LRP6: variants seen among roughly 807,000 people sequenced by gnomAD.
The protein encoded by LRP6 is LDL receptor related protein 6.
A neutral mutation model predicts 184.1 loss-of-function variants in LRP6; 43 were observed. The ratio of observed to expected loss-of-function variants is 0.23; its 90% CI spans 0.18 to 0.30. The LOEUF (loss-of-function observed/expected upper bound fraction) is 0.30. Ranked by LOEUF, LRP6 falls within the 10% of genes least tolerant of loss-of-function variation. The pLI is 1.00. For synonymous variants in LRP6, 719 were observed against 684.9 expected (o/e 1.05, Z -0.78); for missense variants, 1,571 against 2,005.3 (o/e 0.78, Z 4.14).
chr12:12,223,124 G>T (rs1484667962), intron 2 of LRP6, among the ~76,000 whole-genome samples: 1 of 138,682 alleles, frequency 7.2e-6, no homozygotes, highest in Non-Finnish European at 1.5e-5. Flanking sequence ...ATGTTCCAAG[G>T]ATTTTAAGAA....
intron 16 of LRP6, 22 bp downstream of exon 16, chr12:12,138,303 G>C (rs1305001141): frequency 6.4e-7 from 1 of 1,568,288 alleles, no homozygotes; most frequent in Admixed American, 1.7e-5. Flanking sequence ...CCTCCAATTA[G>C]CTTTATCCCA....
chr12:12,137,302 C>T (rs147988970), intron 16 of LRP6, among the ~76,000 whole-genome samples: 3 of 152,242 alleles, frequency 2.0e-5, no homozygotes, highest in African/African-American at 7.2e-5. Flanking sequence ...TTTTAAAAAA[C>T]GTTTTGCATA....
rs777232775 is a variant in LRP6 at position 12,130,900 on chromosome 12, A to G, written c.3971-7T>C. 4.8e-6 allele frequency: 7 copies of G among 1,462,344 alleles called. No homozygotes were observed. 90.6% of individuals were successfully genotyped at this position (1,462,344 alleles called of 1,614,324 possible). A position where few individuals can be genotyped will look rare whatever the true frequency, so the allele number is the denominator to read the frequency against. ...TGATCAATTAAACAAAGCACTGGAAAAAAAACATAAATAGTTTCCTTATTT... is the reference window on the plus strand; with the variant it reads ...TGATCAATTAAACAAAGCACTGGAAGAAAAACATAAATAGTTTCCTTATTT... On this transcript the variant is annotated splice_polypyrimidine_tract_variant and splice_region_variant and intron_variant, in intron 18 of 22. Coordinates refer to ENST00000261349, the MANE Select transcript of LRP6 (RefSeq NM_002336.3).
At chr12:12,149,275 G>C in intron 13 of LRP6, 122 bp from the exon 14 acceptor site, 1 of 796,934 alleles carries the variant, frequency 1.3e-6, no homozygotes, top group African/African-American at 1.7e-5. Context: ...AAGTCTTAAG[G>C]AGTATTTCTT....
chr12:12,164,189 G>T, intron 9 of LRP6, 84 bp downstream of exon 9: 1 of 1,239,744 alleles, frequency 8.1e-7, no homozygotes, highest in Non-Finnish European at 1.2e-6. Flanking sequence ...CAATGAGGGA[G>T]GTGGGTCACA....
intron 15 of LRP6, among the ~76,000 whole-genome samples, chr12:12,142,656 C>G (rs146242122): frequency 6.6e-6 from 1 of 151,746 alleles, no homozygotes; most frequent in South Asian, 2.1e-4. Context: ...CCAACAAATA[C>G]CTGACAAGAA....
chr12:12,144,677 G>T (rs1949977935), intron 15 of LRP6, among the ~76,000 whole-genome samples: 1 of 151,992 alleles, frequency 6.6e-6, no homozygotes, highest in African/African-American at 2.4e-5. Flanking sequence ...TTAAAATATT[G>T]ACATAAGTAA....
chr12:12,197,987 G>A (rs1863809844), intron 3 of LRP6, among the ~76,000 whole-genome samples: 1 of 152,230 alleles, frequency 6.6e-6, no homozygotes, highest in Admixed American at 6.5e-5. Context: ...AGAGGTTGCA[G>A]TGAACAGATT....
chr12:12,213,010 A>C (rs1864250369), intron 2 of LRP6, among the ~76,000 whole-genome samples: 1 of 152,204 alleles, frequency 6.6e-6, no homozygotes, highest in Non-Finnish European at 1.5e-5. Context: ...TATATTTTTC[A>C]TTATATCATA....
chr12:12,155,307 T>A (rs1310123129), intron 12 of LRP6: 2 of 756,370 alleles, frequency 2.6e-6, no homozygotes, highest in Non-Finnish European at 4.8e-6. Flanking sequence ...ATACGTGTTC[T>A]CTAGGCCTTT....
At chr12:12,254,170 G>GA (rs1237180406) in intron 1 of LRP6, among the ~76,000 whole-genome samples, 2 of 129,736 alleles carry the variant, frequency 1.5e-5, no homozygotes, top group Non-Finnish European at 3.3e-5. Flanking sequence ...AAAAAAGAAA[G>GA]AAAGAAAAAG....
chr12:12,161,265 T>A (rs1862734444), intron 10 of LRP6, among the ~76,000 whole-genome samples: 2 of 152,142 alleles, frequency 1.3e-5, no homozygotes, highest in Admixed American at 1.3e-4. Flanking sequence ...GTTCACACTG[T>A]TTACTTCTTT....
At chr12:12,205,329 CAAAAA>C (rs56169717) in intron 2 of LRP6, among the ~76,000 whole-genome samples, 439 of 39,120 alleles carry the variant, frequency 0.011, no homozygotes, top group Middle Eastern at 0.075. Context: ...CTCAAACAAA[CAAAAA>C]AAAAAAAAAA....
intron 7 of LRP6, 94 bp from the exon 8 acceptor site, chr12:12,165,389 A>G (rs992725432): frequency 1.1e-6 from 1 of 869,592 alleles, no homozygotes; most frequent in Non-Finnish European, 1.9e-6. Flanking sequence ...ATAAAAATCC[A>G]AGAGTCATCT....
At chr12:12,184,389 A>AAAC (rs1863417549) in intron 4 of LRP6, among the ~76,000 whole-genome samples, 3 of 106,202 alleles carry the variant, frequency 2.8e-5, no homozygotes, top group African/African-American at 8.7e-5. Flanking sequence ...AGCAAAACTA[A>AAAC]AAACAAACAA....
At chr12:12,229,713 T>C (rs371272237) in intron 2 of LRP6, among the ~76,000 whole-genome samples, 1 of 152,200 alleles carries the variant, frequency 6.6e-6, no homozygotes, top group African/African-American at 2.4e-5. Flanking sequence ...TTAGTATGCT[T>C]TGGGAAACAG....
intron 3 of LRP6, among the ~76,000 whole-genome samples, chr12:12,196,850 A>G (rs990668786): frequency 3.9e-5 from 6 of 152,110 alleles, no homozygotes; most frequent in Non-Finnish European, 8.8e-5. Flanking sequence ...AAGGCAAATA[A>G]TGTCTGTTCT....
At chr12:12,123,814 C>T (rs988580633) in intron 22 of LRP6, among the ~76,000 whole-genome samples, 8 of 152,182 alleles carry the variant, frequency 5.3e-5, no homozygotes, top group South Asian at 2.1e-4. Flanking sequence ...CATGAGAAAT[C>T]TTTCACTCCA....
chr12:12,243,197 A>G (rs1196006321), intron 2 of LRP6, among the ~76,000 whole-genome samples: 1 of 152,268 alleles, frequency 6.6e-6, no homozygotes, highest in African/African-American at 2.4e-5. Context: ...GTATACTAAT[A>G]GTAGAAATGA....
Sources: allele counts gnomAD v4.1 joint callset (sites outside exome capture counted in the v4.1 genomes callset), GRCh38; gene constraint gnomAD v4.1.1; transcripts MANE v1.5; gene names NCBI Gene and HGNC (gene_info 2026-07-23, HGNC 2026-07-21).